PCDHA3: variants seen among roughly 807,000 people sequenced by gnomAD.
PCDHA3 encodes protocadherin alpha-3.
A neutral mutation model predicts 62.2 loss-of-function variants in PCDHA3; 41 were observed. The observed-to-expected ratio is 0.66, with a 90% confidence interval of 0.51 to 0.86. The LOEUF is 0.86. PCDHA3 is among the 40% of genes least tolerant of loss of function. The pLI is 0.00. For synonymous variants in PCDHA3, 640 were observed against 555.4 expected, an observed-to-expected ratio of 1.15 and a Z score of -2.14; for missense variants, 1,304 against 1,241.2, an observed-to-expected ratio of 1.05 and a Z score of -0.76.
At chr5:140,959,815 C>T (rs1239999748) in intron 1 of PCDHA3, among the ~76,000 whole-genome samples, 1 of 151,920 alleles carries the variant, frequency 6.6e-6, no homozygotes, top group Non-Finnish European at 1.5e-5. Context: ...TATATTTTAC[C>T]CACATGATAA....
intron 1 of PCDHA3, among the ~76,000 whole-genome samples, chr5:140,900,829 A>G (rs2068324648): frequency 6.6e-6 from 1 of 152,110 alleles, no homozygotes; most frequent in Non-Finnish European, 1.5e-5. Context: ...TCCCACCAAC[A>G]ATGTACAAAG....
intron 1 of PCDHA3, among the ~76,000 whole-genome samples, chr5:140,923,301 G>C (rs1554201374): frequency 6.6e-6 from 1 of 152,206 alleles, no homozygotes; most frequent in African/African-American, 2.4e-5. Context: ...AGCTGGGCGT[G>C]GGGGCGCTTG....
intron 1 of PCDHA3, chr5:140,870,821 G>T: frequency 1.9e-6 from 3 of 1,613,736 alleles, no homozygotes; most frequent in South Asian, 1.1e-5. Context: ...GGCAGCGCGG[G>T]AGGCGCAGTT....
chr5:140,975,527 A>G (rs782267941), intron 1 of PCDHA3, among the ~76,000 whole-genome samples: 2 of 152,220 alleles, frequency 1.3e-5, no homozygotes, highest in Non-Finnish European at 2.9e-5. Context: ...CAGTGGATAT[A>G]TTCTTAATAC....
chr5:140,839,670 T>C (rs1776356207), intron 1 of PCDHA3, among the ~76,000 whole-genome samples: 1 of 152,026 alleles, frequency 6.6e-6, no homozygotes, highest in Non-Finnish European at 1.5e-5. Flanking sequence ...CTATTTAGAG[T>C]CAACTACAGA....
chr5:140,972,080 AAG>A (rs1446545098), intron 1 of PCDHA3, among the ~76,000 whole-genome samples: 8 of 152,208 alleles, frequency 5.3e-5, no homozygotes, highest in African/African-American at 1.9e-4. Flanking sequence ...CTTTTGGAAA[AAG>A]AGTAATTTCT....
At position 140,803,505 on chromosome 5, in the gene PCDHA3, ATGGCTTTT is replaced by A; in HGVS notation, c.2309_2316del (p.Met770LysfsTer3). On this transcript the variant is annotated frameshift_variant, in exon 1 of 4. Coordinates refer to ENST00000522353, the MANE Select transcript of PCDHA3 (RefSeq NM_018906.3). LOFTEE classifies it high-confidence loss of function. Reference sequence around the variant, plus strand: ...AGAGGGGTTGCCCAAGACCGACCTCATGGCTTTTAGCCCTAGCCTTCCTCCTTGTCCAA... The same window carrying A: ...AGAGGGGTTGCCCAAGACCGACCTCAAGCCCTAGCCTTCCTCCTTGTCCAA... The A allele has an allele frequency of 6.2e-7, 1 of 1,614,250 alleles. No homozygotes were observed. The highest frequency in any genetic ancestry group is 8.5e-7 in the Non-Finnish European group (1 of 1,180,042).
intron 1 of PCDHA3, chr5:140,878,062 T>C (rs1180266527): frequency 2.5e-6 from 1 of 403,164 alleles, no homozygotes; most frequent in East Asian, 4.6e-5. Context: ...ACACTTAATA[T>C]TTTTCTTTTT....
chr5:140,857,949 G>A (rs1554150927), intron 1 of PCDHA3: 3 of 1,597,424 alleles, frequency 1.9e-6, no homozygotes, highest in Non-Finnish European at 2.6e-6. Flanking sequence ...AGTACGACGC[G>A]CGCTCTGGAT....
intron 1 of PCDHA3, among the ~76,000 whole-genome samples, chr5:140,887,453 T>C (rs2061454477): frequency 6.6e-6 from 1 of 152,178 alleles, no homozygotes; most frequent in Non-Finnish European, 1.5e-5. Flanking sequence ...TGACAGTTTT[T>C]TAAAAGATAT....
At chr5:140,950,112 A>G (rs1263517017) in intron 1 of PCDHA3, among the ~76,000 whole-genome samples, 3 of 151,944 alleles carry the variant, frequency 2.0e-5, no homozygotes, top group Non-Finnish European at 4.4e-5. Context: ...ATCTCATACA[A>G]TACAAAACCC....
chr5:140,927,213 G>C (rs1384969721), intron 1 of PCDHA3: 11 of 1,614,000 alleles, frequency 6.8e-6, no homozygotes, highest in Non-Finnish European at 9.3e-6. Flanking sequence ...CGCTGGAGCT[G>C]CACAAGATTC....
intron 1 of PCDHA3, chr5:140,882,580 C>T (rs371338305): frequency 1.2e-6 from 2 of 1,614,126 alleles, no homozygotes; most frequent in African/African-American, 2.7e-5. Context: ...AGTGCAGCAT[C>T]CACCTGGAGG....
intron 2 of PCDHA3, among the ~76,000 whole-genome samples, chr5:140,981,130 CAA>C (rs1267278229): frequency 6.6e-6 from 1 of 152,186 alleles, no homozygotes; most frequent in East Asian, 1.9e-4. Flanking sequence ...TGTTTGAAGT[CAA>C]AGAGTGAGAA....
intron 1 of PCDHA3, chr5:140,810,864 T>C (rs1429757460): frequency 6.6e-6 from 1 of 152,174 alleles, no homozygotes; most frequent in Non-Finnish European, 1.5e-5. Flanking sequence ...AATTTATCAA[T>C]TTTTGCTTCT....
intron 1 of PCDHA3, chr5:140,883,711 C>T (rs1554179442): frequency 2.5e-6 from 4 of 1,613,576 alleles, no homozygotes; most frequent in Non-Finnish European, 3.4e-6. Flanking sequence ...CTGCTCAGGA[C>T]GCGGACGCAC....
chr5:140,834,404 C>A lies in PCDHA3; in HGVS notation c.2394+30813C>A, dbSNP rs17844304. On this transcript the variant is annotated intron_variant, in intron 1 of 3. Coordinates refer to ENST00000522353, the MANE Select transcript of PCDHA3 (RefSeq NM_018906.3). ...TTGAAATGGTGTGCCCGAATGGATACGACCCAGGGGGCCGACATCTACTGC... is the reference window on the plus strand; with the variant it reads ...TTGAAATGGTGTGCCCGAATGGATAAGACCCAGGGGGCCGACATCTACTGC... 182 of 1,606,186 alleles carry A rather than the reference C, an allele frequency of 1.1e-4. No individual in the cohort carries two copies. The East Asian group carries it at 3.7e-3, about 32-fold the overall frequency.
intron 1 of PCDHA3, chr5:140,864,284 T>C (rs573508000): frequency 1.3e-5 from 2 of 152,220 alleles, no homozygotes; most frequent in Non-Finnish European, 2.9e-5. Flanking sequence ...CCTTATTGTT[T>C]TTATGTATTC....
chr5:140,857,354 G>A lies in PCDHA3; in HGVS notation c.2394+53763G>A, dbSNP rs1449369579. 2.5e-6 allele frequency: 4 copies of A among 1,598,262 alleles called. No homozygotes were observed. In the African/African-American group the frequency reaches 5.4e-5, roughly 22 times the overall value. ...GGACGGGGGCTCGCCTCCGCTGTGG[G>A]CCACGGCCAGCGTGTCTGTGGAGGT... On this transcript the variant is annotated intron_variant, in intron 1 of 3. Transcript: ENST00000522353.
Sources: allele counts gnomAD v4.1 joint callset (sites outside exome capture counted in the v4.1 genomes callset), GRCh38; gene constraint gnomAD v4.1.1; transcripts MANE v1.5; gene names NCBI Gene and HGNC (gene_info 2026-07-23, HGNC 2026-07-21).